Variants in ABI2 observed in about 807,000 individuals in gnomAD.
ABI2 encodes the protein abelson interactor 2.
ABI2 carries 25 observed loss-of-function variants against 59.2 expected under a neutral mutation model. The observed-to-expected ratio is 0.42, with a 90% CI of 0.31 to 0.59. The LOEUF is 0.59. Among genes scored for constraint, ABI2 ranks in the 20% least tolerant of loss-of-function variants. The pLI, the probability that ABI2 is intolerant of heterozygous loss-of-function variation, is 0.14. For synonymous variants in ABI2, 213 were observed against 235.5 expected, an observed-to-expected ratio of 0.90 and a Z score of 0.87; for missense variants, 545 against 681.8, an observed-to-expected ratio of 0.80 and a Z score of 2.23.
intron 11 of ABI2, among the ~76,000 whole-genome samples, chr2:203,419,239 A>AG (rs932060545): frequency 1.0e-4 from 15 of 149,874 alleles, no homozygotes; most frequent in Admixed American, 8.7e-4. Flanking sequence ...CCTCCCGAGT[A>AG]GCTGGGACTA....
chr2:203,422,268 G>C (rs530214138), intron 11 of ABI2, among the ~76,000 whole-genome samples: 9 of 152,034 alleles, frequency 5.9e-5, no homozygotes, highest in East Asian at 1.9e-4. Context: ...CACTGCCTGG[G>C]GACAGTAAGA....
At chr2:203,368,069 T>C (rs2094652655) in intron 2 of ABI2, among the ~76,000 whole-genome samples, 1 of 152,178 alleles carries the variant, frequency 6.6e-6, no homozygotes, top group Admixed American at 6.5e-5. Flanking sequence ...GTATAAAATT[T>C]TGGGTTCTGC....
intron 11 of ABI2, among the ~76,000 whole-genome samples, chr2:203,421,606 A>T (rs1656487727): frequency 6.6e-6 from 1 of 152,192 alleles, no homozygotes; most frequent in African/African-American, 2.4e-5. Context: ...AAAAACTTTT[A>T]TGACTGCTTG....
chr2:203,384,147 A>G (rs1217127710), intron 4 of ABI2, among the ~76,000 whole-genome samples: 2 of 152,188 alleles, frequency 1.3e-5, no homozygotes, highest in Non-Finnish European at 1.5e-5. Context: ...TAAAAACACT[A>G]TGGTAATAGT....
At position 203,431,885 on chromosome 2, in the gene ABI2, C is replaced by T. The variant is rs1163284779; in HGVS notation, c.*4533C>T. On this transcript the variant is annotated 3_prime_UTR_variant, in exon 12 of 12. Transcript: ENST00000261018. ...AAGCAGTTTTTATCATATTTTGTGTCCATGCACCATTTTTCTTAAAATGGC... is the reference window on the plus strand; with the variant it reads ...AAGCAGTTTTTATCATATTTTGTGTTCATGCACCATTTTTCTTAAAATGGC... The T allele has an allele frequency of 6.6e-6, 1 of 152,068 alleles. No homozygotes were observed. The highest frequency in any genetic ancestry group is 1.5e-5 in the Non-Finnish European group (1 of 68,014). 9.4% of individuals were successfully genotyped at this position (152,068 alleles called of 1,614,324 possible).
chr2:203,376,254 G>A (rs1473564291), intron 2 of ABI2: 27 of 661,448 alleles, frequency 4.1e-5, no homozygotes, highest in Non-Finnish European at 5.3e-5. Flanking sequence ...TCATGGTGGG[G>A]GAGTGCTACA....
At chr2:203,368,004 C>CA (rs200840835) in intron 2 of ABI2, among the ~76,000 whole-genome samples, 2,128 of 140,788 alleles carry the variant, frequency 0.015, 18 homozygotes, top group Middle Eastern at 0.042. Context: ...ACCCTGTCTC[C>CA]AAAAAAAAAT....
intron 1 of ABI2, among the ~76,000 whole-genome samples, chr2:203,364,897 C>T (rs1009763881): frequency 1.3e-5 from 2 of 151,882 alleles, no homozygotes. Flanking sequence ...TCATGCCTGG[C>T]TGATTTTCTA....
chr2:203,365,600 A>T (rs767822552), intron 1 of ABI2, among the ~76,000 whole-genome samples: 43 of 146,508 alleles, frequency 2.9e-4, no homozygotes, highest in Non-Finnish European at 6.1e-4. Context: ...CTCTCAGGCT[A>T]CGTGTTTTCT....
At chr2:203,356,706 A>G (rs1346551631) in intron 1 of ABI2, among the ~76,000 whole-genome samples, 1 of 152,082 alleles carries the variant, frequency 6.6e-6, no homozygotes, top group African/African-American at 2.4e-5. Flanking sequence ...ATGTCTCACC[A>G]TGTTGCCCAG....
chr2:203,354,241 G>T (rs1576597441), intron 1 of ABI2, among the ~76,000 whole-genome samples: 1 of 151,432 alleles, frequency 6.6e-6, no homozygotes, highest in Non-Finnish European at 1.5e-5. Flanking sequence ...ACAGGGTTTC[G>T]CCATGTTGCC....
At chr2:203,395,448 T>TATATATACACACACAC (rs750379504) in intron 6 of ABI2, among the ~76,000 whole-genome samples, 119 of 115,312 alleles carry the variant, frequency 1.0e-3, no homozygotes, top group Non-Finnish European at 1.1e-3. Flanking sequence ...TATATATATA[T>TATATATACACACACAC]ACACACACAC....
chr2:203,408,854 C>T (rs1325717580), intron 9 of ABI2, among the ~76,000 whole-genome samples: 6 of 13,938 alleles, frequency 4.3e-4, no homozygotes, highest in Non-Finnish European at 2.2e-3. Flanking sequence ...TTTTTTGAGA[C>T]GGAGTCTCGC....
chr2:203,424,818 C>T (rs139293159), intron 11 of ABI2, among the ~76,000 whole-genome samples: 8 of 152,272 alleles, frequency 5.3e-5, no homozygotes, highest in African/African-American at 1.9e-4. Context: ...CAGCTCTCTA[C>T]CATTATAAAC....
chr2:203,344,648 T>A (rs951310284), intron 1 of ABI2, among the ~76,000 whole-genome samples: 4 of 151,994 alleles, frequency 2.6e-5, no homozygotes, highest in African/African-American at 7.2e-5. Flanking sequence ...TGAAGCCAGC[T>A]GGGCTTCTGG....
At chr2:203,420,626 C>T (rs2098156510) in intron 11 of ABI2, among the ~76,000 whole-genome samples, 1 of 152,128 alleles carries the variant, frequency 6.6e-6, no homozygotes, top group Admixed American at 6.6e-5. Context: ...ATCTCCTGAC[C>T]TTGTGATCCG....
At chr2:203,330,002 G>T (rs2071923557) in intron 1 of ABI2, among the ~76,000 whole-genome samples, 1 of 152,136 alleles carries the variant, frequency 6.6e-6, no homozygotes, top group East Asian at 1.9e-4. Flanking sequence ...CTCCCAAAGT[G>T]CTGGGATTAT....
intron 2 of ABI2, among the ~76,000 whole-genome samples, chr2:203,368,328 A>G (rs1195828962): frequency 6.6e-6 from 1 of 152,084 alleles, no homozygotes; most frequent in Non-Finnish European, 1.5e-5. Context: ...GAAATGTTCT[A>G]TTTTAGCACT....
rs991577243 is a variant in ABI2 at position 203,391,111 on chromosome 2, T to A, written c.546T>A (p.Pro182=). 6 of 1,613,626 alleles carry A rather than the reference T, an allele frequency of 3.7e-6. No individual in the cohort carries two copies. Among genetic ancestry groups the A allele is most frequent in the African/African-American group, 2.7e-5 (2 of 74,926 alleles). Residue 182 remains proline, a synonymous_variant, in exon 5 of 12, where the codon CCT becomes CCA. Coordinates refer to ENST00000261018, the MANE Select transcript of ABI2 (RefSeq NM_001375670.1). ...PRTTPPTQKP[P]SPPMSGKGTL... ...CAACACCTCCAACTCAGAAGCCCCC[T>A]AGTCCCCCTATGTCAGGGAAAGGGA...
Sources: gnomAD v4.1 joint callset for allele counts (sites outside exome capture counted in the v4.1 genomes callset) on GRCh38, gnomAD v4.1.1 for gene constraint, MANE v1.5 for transcripts, NCBI Gene and HGNC (gene_info 2026-07-23, HGNC 2026-07-21) for gene names.